The following TANGO6 variants were observed in gnomAD, a reference collection of about 807,000 sequenced individuals.
TANGO6 encodes transport and golgi organization 6 homolog, also known as transport and Golgi organization protein 6 homolog.
In TANGO6, 90 loss-of-function variants were observed where a neutral mutation model predicts 114.2. The observed-to-expected ratio is 0.79, with a 90% confidence interval of 0.66 to 0.94. The LOEUF is 0.94. Among genes scored for constraint, TANGO6 ranks in the 40% least tolerant of loss-of-function variants. The probability of loss-of-function intolerance (pLI) is 0.00; values close to 1 mark genes in which losing one functional copy is unlikely to be tolerated. For missense variants in TANGO6, 1,274 were observed against 1,315.3 expected (o/e 0.97, Z 0.49); for synonymous variants, 477 against 509.8 (o/e 0.94, Z 0.87).
At chr16:68,865,929 A>AT (rs1962170632) in intron 3 of TANGO6, among the ~76,000 whole-genome samples, 1 of 151,972 alleles carries the variant, frequency 6.6e-6, no homozygotes, top group Non-Finnish European at 1.5e-5. Context: ...AAAAAAAAAA[A>AT]GAAATCCAAC....
intron 15 of TANGO6, among the ~76,000 whole-genome samples, chr16:68,988,024 G>A (rs531867745): frequency 6.6e-6 from 1 of 152,006 alleles, no homozygotes; most frequent in African/African-American, 2.4e-5. Context: ...ACTGAGTTGC[G>A]AGGGTTCTTT....
At chr16:69,022,677 C>T (rs1172212616) in intron 15 of TANGO6, 151 bp from the exon 16 acceptor site, 1 of 794,514 alleles carries the variant, frequency 1.3e-6, no homozygotes, top group Non-Finnish European at 1.9e-6. Flanking sequence ...GCACTCCAGT[C>T]TGGGCAATAC....
intron 17 of TANGO6, among the ~76,000 whole-genome samples, chr16:69,079,272 G>A (rs1161980646): frequency 1.3e-5 from 2 of 151,940 alleles, no homozygotes; most frequent in Non-Finnish European, 2.9e-5. Flanking sequence ...GGAGGTTGCA[G>A]TGAGCCGAGA....
intron 17 of TANGO6, among the ~76,000 whole-genome samples, chr16:69,077,716 CT>C (rs1567571902): frequency 1.3e-5 from 2 of 152,024 alleles, no homozygotes; most frequent in Admixed American, 1.3e-4. Context: ...GTAATCCCAG[CT>C]ACTCGGGAGG....
At chr16:68,871,192 A>G (rs1479788750) in intron 4 of TANGO6, among the ~76,000 whole-genome samples, 2 of 151,772 alleles carry the variant, frequency 1.3e-5, no homozygotes, top group East Asian at 3.9e-4. Context: ...GTTGACATTT[A>G]TTTTTTCTTT....
chr16:69,033,242 A>C (rs1350260161), intron 16 of TANGO6, among the ~76,000 whole-genome samples: 2 of 152,204 alleles, frequency 1.3e-5, no homozygotes, highest in Non-Finnish European at 2.9e-5. Context: ...CAGTTCTTTC[A>C]GTGTACCATG....
rs1260746728 is a variant in TANGO6, at chr16:68,854,699, T to C, written c.95-5185T>C. Among the ~76,000 whole-genome samples the C allele has an allele frequency of 3.3e-5, 5 of 152,044 alleles. No homozygotes were observed. In the South Asian group the frequency reaches 6.2e-4, roughly 19 times the overall value. On this transcript the variant is annotated intron_variant, in intron 1 of 17. Coordinates refer to ENST00000261778, the MANE Select transcript of TANGO6 (RefSeq NM_024562.2). The stretch of plus-strand genomic sequence containing the variant: ...AAAGGAATTTTCTTTCCCAGTTGTA[T>C]TGATTTCATATCTTTATTGAAGATC...
intron 17 of TANGO6, among the ~76,000 whole-genome samples, chr16:69,059,215 G>A (rs1430766945): frequency 6.6e-6 from 1 of 151,336 alleles, no homozygotes; most frequent in Non-Finnish European, 1.5e-5. Flanking sequence ...TCTGGGAAGT[G>A]TACGCCACCA....
chr16:69,018,887 G>T (rs564174845), intron 15 of TANGO6, among the ~76,000 whole-genome samples: 73 of 152,234 alleles, frequency 4.8e-4, no homozygotes, highest in Non-Finnish European at 7.9e-4. Flanking sequence ...TCCAGCCTGG[G>T]CGACAGAGTG....
intron 10 of TANGO6, 129 bp downstream of exon 10, chr16:68,907,704 G>A: frequency 8.9e-7 from 1 of 1,128,098 alleles, no homozygotes; most frequent in Non-Finnish European, 1.2e-6. Flanking sequence ...ATGGTCAGAG[G>A]ACATAAAGGA....
At chr16:68,901,489 CTT>C (rs113527848) in intron 8 of TANGO6, among the ~76,000 whole-genome samples, 34 of 152,232 alleles carry the variant, frequency 2.2e-4, no homozygotes, top group Admixed American at 6.5e-4. Context: ...CAAAATAACT[CTT>C]GTTTTTGTTT....
chr16:68,852,209 T>C (rs1961912721), intron 1 of TANGO6, among the ~76,000 whole-genome samples: 1 of 152,150 alleles, frequency 6.6e-6, no homozygotes, highest in African/African-American at 2.4e-5. Context: ...TGATTCTAGT[T>C]GGTAGAAAGA....
At chr16:68,871,501 T>A (rs1425698692) in intron 4 of TANGO6, among the ~76,000 whole-genome samples, 1 of 152,210 alleles carries the variant, frequency 6.6e-6, no homozygotes, top group Non-Finnish European at 1.5e-5. Flanking sequence ...CCCTCAGATC[T>A]CTCTTTCTGA....
intron 17 of TANGO6, among the ~76,000 whole-genome samples, chr16:69,080,441 C>T (rs2152245374): frequency 6.6e-6 from 1 of 152,142 alleles, no homozygotes; most frequent in Non-Finnish European, 1.5e-5. Flanking sequence ...TCCCAGCTAA[C>T]TTGGGAGGCT....
chr16:69,014,711 A>G (rs1287133519), intron 15 of TANGO6, among the ~76,000 whole-genome samples: 1 of 151,694 alleles, frequency 6.6e-6, no homozygotes, highest in Non-Finnish European at 1.5e-5. Context: ...CCTGGGCAAC[A>G]TAGCAAGGCC....
intron 15 of TANGO6, among the ~76,000 whole-genome samples, chr16:69,003,819 C>T (rs1259509253): frequency 6.6e-6 from 1 of 151,892 alleles, no homozygotes; most frequent in East Asian, 1.9e-4. Context: ...AAGAATTTAC[C>T]ATACAAGATC....
intron 7 of TANGO6, among the ~76,000 whole-genome samples, 181 bp downstream of exon 7, chr16:68,880,811 C>T (rs866735568): frequency 2.6e-5 from 4 of 152,106 alleles, no homozygotes; most frequent in Admixed American, 6.6e-5. Flanking sequence ...AGGTGTGAGC[C>T]GCTGCTCCCA....
intron 1 of TANGO6, among the ~76,000 whole-genome samples, chr16:68,847,592 C>T (rs7202333): frequency 0.61 from 92,129 of 152,034 alleles, 27,962 homozygotes; most frequent in East Asian, 0.69. Flanking sequence ...GTGATCTTAA[C>T]GGTTAGTGGC....
At chr16:68,924,128 C>G (rs1402267233) in intron 12 of TANGO6, among the ~76,000 whole-genome samples, 1 of 152,200 alleles carries the variant, frequency 6.6e-6, no homozygotes, top group Non-Finnish European at 1.5e-5. Flanking sequence ...CACAGTGCCT[C>G]CAATTTTACA....
Sources: allele counts gnomAD v4.1 joint callset (sites outside exome capture counted in the v4.1 genomes callset), GRCh38; gene constraint gnomAD v4.1.1; transcripts MANE v1.5; gene names NCBI Gene and HGNC (gene_info 2026-07-23, HGNC 2026-07-21).